AOPEP: variants seen among roughly 807,000 people sequenced by gnomAD.
The protein encoded by AOPEP is aminopeptidase O.
Under a neutral mutation model 98.1 loss-of-function variants are expected in AOPEP, and 77 were observed. The ratio of observed to expected loss-of-function variants is 0.78; its 90% CI spans 0.65 to 0.95. The LOEUF (loss-of-function observed/expected upper bound fraction) is 0.95. Among genes scored for constraint, AOPEP ranks in the 40% least tolerant of loss-of-function variants. The pLI, the probability that AOPEP is intolerant of heterozygous loss-of-function variation, is 0.00. For missense variants in AOPEP, 1,024 were observed against 1,024.7 expected (o/e 1.00, Z 0.01); for synonymous variants, 346 against 365.3 (o/e 0.95, Z 0.60).
At chr9:94,897,390 A>G (rs900249165) in intron 5 of AOPEP, among the ~76,000 whole-genome samples, 2 of 152,186 alleles carry the variant, frequency 1.3e-5, no homozygotes. Context: ...ATTTAGCTGC[A>G]TACCATATTT....
chr9:94,743,253 G>GGAAGAA (rs139005545), intron 1 of AOPEP, among the ~76,000 whole-genome samples: 1 of 129,614 alleles, frequency 7.7e-6, no homozygotes, highest in Middle Eastern at 3.4e-3. Flanking sequence ...AGGAAGAAGA[G>GGAAGAA]GAAGAAGAAG....
rs1191828080 is a variant in AOPEP, at chr9:95,052,777, AAAAATCTGAATATATTTTAT to A, written c.2116-7914_2116-7895del. ...AATTACTGGTTTTTTCCCTTGGAAA[AAAAATCTGAATATATTTTAT>A]AATTTGTTAGTATTGTAAGTAACAG... On this transcript the variant is annotated intron_variant, in intron 13 of 16. Coordinates refer to ENST00000375315, the MANE Select transcript of AOPEP (RefSeq NM_001193329.3). Among the ~76,000 whole-genome samples, 3 of 152,234 alleles carry A rather than the reference AAAAATCTGAATATATTTTAT, an allele frequency of 2.0e-5. No individual in the cohort carries two copies. In the East Asian group the frequency reaches 5.8e-4, roughly 29 times the overall value.
At chr9:94,986,732 A>G (rs2132260382) in intron 11 of AOPEP, among the ~76,000 whole-genome samples, 1 of 152,288 alleles carries the variant, frequency 6.6e-6, no homozygotes, top group Non-Finnish European at 1.5e-5. Context: ...CACTGTCCAA[A>G]TATATTGACC....
intron 5 of AOPEP, among the ~76,000 whole-genome samples, chr9:94,809,630 T>C (rs1850025132): frequency 6.6e-6 from 1 of 152,238 alleles, no homozygotes; most frequent in African/African-American, 2.4e-5. Context: ...GGACTCACAG[T>C]TTGGTGCAGG....
intron 14 of AOPEP, among the ~76,000 whole-genome samples, chr9:95,068,793 A>C (rs2068176541): frequency 6.6e-6 from 1 of 152,178 alleles, no homozygotes; most frequent in Non-Finnish European, 1.5e-5. Flanking sequence ...CTTGAACAGA[A>C]GGGTATCAGA....
At chr9:95,016,673 C>A (rs1202242827) in intron 13 of AOPEP, among the ~76,000 whole-genome samples, 1 of 151,852 alleles carries the variant, frequency 6.6e-6, no homozygotes, top group East Asian at 1.9e-4. Flanking sequence ...AGTCCAATGG[C>A]ATGATTATGG....
rs957712872 is a variant in AOPEP, at chr9:94,980,115, C to T, written c.1977+688C>T. Among the ~76,000 whole-genome samples the T allele has an allele frequency of 1.3e-5, 2 of 152,224 alleles. No individual in the cohort carries two copies. Among genetic ancestry groups the T allele is most frequent in the Non-Finnish European group, 2.9e-5 (2 of 68,024 alleles). ...CCCTAGCTCTGTGGAAATCACCTGG[C>T]CTGGAGCTCCTCTCCCCGTCCACTC... On this transcript the variant is annotated intron_variant, in intron 11 of 16. Coordinates refer to ENST00000375315, the MANE Select transcript of AOPEP (RefSeq NM_001193329.3). The surrounding 1 kb of genome is among the most constrained non-coding windows in gnomAD (Gnocchi z 4.3).
At chr9:95,142,235 C>T in the AOPEP span, among the ~76,000 whole-genome samples, 1 of 151,994 alleles carries the variant, frequency 6.6e-6, no homozygotes, top group Non-Finnish European at 1.5e-5. Context: ...TCAGGTGATC[C>T]ACCTGCCTCA....
At chr9:95,107,645 G>T in the AOPEP span, 3 of 389,442 alleles carry the variant, frequency 7.7e-6, no homozygotes, top group East Asian at 4.9e-5. Context: ...AAAGCCCCAC[G>T]CAGTCAGACC....
chr9:95,011,105 G>T (rs972896480), intron 13 of AOPEP, among the ~76,000 whole-genome samples: 3 of 151,638 alleles, frequency 2.0e-5, no homozygotes, highest in Admixed American at 6.6e-5. Context: ...GCTGATAAAA[G>T]GTATTTTTGG....
intron 3 of AOPEP, among the ~76,000 whole-genome samples, chr9:94,776,409 C>T (rs541697801): frequency 6.6e-6 from 1 of 152,180 alleles, no homozygotes; most frequent in African/African-American, 2.4e-5. Context: ...TCAAGCATTT[C>T]TCCTGCCTCA....
the AOPEP span, chr9:95,114,502 T>C: frequency 8.1e-6 from 7 of 867,846 alleles, no homozygotes; most frequent in Non-Finnish European, 1.4e-5. Context: ...TTCACCATGG[T>C]GCTCACCTGT....
At chr9:95,095,391 GCC>G in the AOPEP span, among the ~76,000 whole-genome samples, 1 of 152,306 alleles carries the variant, frequency 6.6e-6, no homozygotes, top group Admixed American at 6.5e-5. Flanking sequence ...AAAAGCCCCT[GCC>G]GTCCCGTTCC....
intron 13 of AOPEP, among the ~76,000 whole-genome samples, chr9:95,011,423 C>CT (rs2062508696): frequency 6.6e-6 from 1 of 152,094 alleles, no homozygotes; most frequent in Non-Finnish European, 1.5e-5. Context: ...AGGATGGTCT[C>CT]TATCTCCTGA....
chr9:94,937,356 G>A (rs2137305980), intron 7 of AOPEP, among the ~76,000 whole-genome samples: 1 of 152,334 alleles, frequency 6.6e-6, no homozygotes, highest in Middle Eastern at 3.4e-3. Flanking sequence ...CCTTTTCTCT[G>A]CGTGTGCATG....
chr9:94,944,618 G>A (rs1183449959), intron 7 of AOPEP, among the ~76,000 whole-genome samples: 1 of 152,164 alleles, frequency 6.6e-6, no homozygotes, highest in Non-Finnish European at 1.5e-5. Context: ...AGGCTGGAGT[G>A]CCATGGCACG....
chr9:95,107,796 ACAC>A, the AOPEP span, among the ~76,000 whole-genome samples: 1 of 152,196 alleles, frequency 6.6e-6, no homozygotes, highest in Non-Finnish European at 1.5e-5. Flanking sequence ...ATGCATGCAC[ACAC>A]AAGAACACAT....
intron 5 of AOPEP, among the ~76,000 whole-genome samples, chr9:94,828,036 G>A (rs1463191499): frequency 6.6e-6 from 1 of 152,202 alleles, no homozygotes; most frequent in Non-Finnish European, 1.5e-5. Context: ...GCAAAGAAAG[G>A]ACCAGAGGCA....
intron 5 of AOPEP, among the ~76,000 whole-genome samples, chr9:94,854,868 A>G (rs762288782): frequency 6.6e-6 from 1 of 152,300 alleles, no homozygotes; most frequent in South Asian, 2.1e-4. Context: ...AGCTCTACAT[A>G]TGAGTTAGGA....
Sources: allele counts gnomAD v4.1 joint callset (sites outside exome capture counted in the v4.1 genomes callset), GRCh38; gene constraint gnomAD v4.1.1; non-coding constraint Gnocchi (gnomAD v3.1); transcripts MANE v1.5; gene names NCBI Gene and HGNC (gene_info 2026-07-23, HGNC 2026-07-21).